The following TENM4 variants were observed in gnomAD, a reference collection of about 807,000 sequenced individuals.
TENM4 encodes teneurin transmembrane protein 4, also known as teneurin-4.
In TENM4, 82 loss-of-function variants were observed where a neutral mutation model predicts 243.3. That is an observed-to-expected ratio of 0.34 (90% CI 0.28 to 0.40). The LOEUF is 0.40. Ranked by LOEUF, TENM4 falls within the 10% of genes least tolerant of loss-of-function variation. The probability of loss-of-function intolerance (pLI) is 1.00; values close to 1 mark genes in which losing one functional copy is unlikely to be tolerated. For synonymous variants in TENM4, 1,412 were observed against 1,456.3 expected (o/e 0.97, Z 0.69); for missense variants, 3,138 against 3,673.3 (o/e 0.85, Z 3.77).
At chr11:78,730,777 A>G (rs1616783) in intron 21 of TENM4, among the ~76,000 whole-genome samples, 86,050 of 152,056 alleles carry the variant, frequency 0.57, 27,771 homozygotes, top group Non-Finnish European at 0.74. Flanking sequence ...CATCCTGTCC[A>G]TTTCATAGAC....
At chr11:78,838,866 C>A (rs926121677) in intron 12 of TENM4, among the ~76,000 whole-genome samples, 1 of 152,208 alleles carries the variant, frequency 6.6e-6, no homozygotes, top group African/African-American at 2.4e-5. Context: ...TGTGTCTTAT[C>A]AACTGCATCC....
rs55667549 is a variant in TENM4 at position 78,965,424 on chromosome 11, A to G, written c.494-61901T>C. Reference sequence around the variant, plus strand: ...TTGATTTCCTCATCTTTTATTAACCAAAGACACAATATAATCTTCAATCGG... The same window carrying G: ...TTGATTTCCTCATCTTTTATTAACCGAAGACACAATATAATCTTCAATCGG... On this transcript the variant is annotated intron_variant, in intron 6 of 33. Coordinates refer to ENST00000278550, the MANE Select transcript of TENM4 (RefSeq NM_001098816.3). Among the ~76,000 whole-genome samples the G allele has an allele frequency of 6.2e-3, 951 of 152,296 alleles. 3 individuals are homozygous for G. The highest frequency in any genetic ancestry group is 9.0e-3 in the Non-Finnish European group (610 of 68,030).
intron 4 of TENM4, among the ~76,000 whole-genome samples, chr11:79,133,642 A>C (rs1862053908): frequency 6.6e-6 from 1 of 152,200 alleles, no homozygotes; most frequent in African/African-American, 2.4e-5. Flanking sequence ...ATATGAAAAA[A>C]AAATAATTCA....
intron 16 of TENM4, among the ~76,000 whole-genome samples, chr11:78,783,737 T>G (rs552309952): frequency 1.9e-4 from 29 of 152,372 alleles, no homozygotes; most frequent in Non-Finnish European, 3.1e-4. Flanking sequence ...GATGCCACTG[T>G]CAAATTCCCT....
intron 18 of TENM4, among the ~76,000 whole-genome samples, chr11:78,766,852 C>G (rs1201371522): frequency 4.0e-5 from 6 of 151,736 alleles, no homozygotes; most frequent in Non-Finnish European, 8.8e-5. Flanking sequence ...ACAGGTGCGC[C>G]CCACCAAGCC....
At chr11:79,425,049 T>C (rs181860197) in intron 1 of TENM4, among the ~76,000 whole-genome samples, 2 of 152,286 alleles carry the variant, frequency 1.3e-5, no homozygotes, top group East Asian at 3.9e-4. Flanking sequence ...GTCTTAATAG[T>C]ACCTTTAACT....
intron 4 of TENM4, among the ~76,000 whole-genome samples, chr11:79,128,929 C>G (rs1298216816): frequency 1.3e-5 from 2 of 152,170 alleles, no homozygotes; most frequent in Non-Finnish European, 2.9e-5. Context: ...GCACTGTGAA[C>G]TTTAGCTCCA....
intron 1 of TENM4, among the ~76,000 whole-genome samples, chr11:79,366,656 T>G (rs1488424174): frequency 6.6e-6 from 1 of 152,214 alleles, no homozygotes; most frequent in African/African-American, 2.4e-5. Flanking sequence ...CTGGTGCTGC[T>G]CCACTGTACA....
At chr11:78,755,397 G>A (rs575809046) in intron 19 of TENM4, among the ~76,000 whole-genome samples, 15 of 152,050 alleles carry the variant, frequency 9.9e-5, no homozygotes, top group Non-Finnish European at 1.8e-4. Flanking sequence ...TCGAACTCCC[G>A]GGCTCAAGTG....
intron 1 of TENM4, among the ~76,000 whole-genome samples, chr11:79,428,448 G>A (rs563967051): frequency 1.6e-4 from 24 of 152,336 alleles, no homozygotes; most frequent in African/African-American, 5.8e-4. Context: ...CATCTGATAA[G>A]CATTTTATAG....
chr11:79,277,659 G>C (rs989983216), intron 2 of TENM4, among the ~76,000 whole-genome samples: 1 of 152,194 alleles, frequency 6.6e-6, no homozygotes, highest in Non-Finnish European at 1.5e-5. Context: ...TTTGGAGTGA[G>C]GGGATGTGAA....
At chr11:78,933,954 G>A (rs778447622) in intron 6 of TENM4, among the ~76,000 whole-genome samples, 1 of 152,166 alleles carries the variant, frequency 6.6e-6, no homozygotes, top group African/African-American at 2.4e-5. Flanking sequence ...TGGGGAAAGG[G>A]GGGGACAAGA....
chr11:79,329,568 A>G (rs552007875), intron 1 of TENM4, among the ~76,000 whole-genome samples: 34 of 152,314 alleles, frequency 2.2e-4, no homozygotes, highest in African/African-American at 7.9e-4. Flanking sequence ...GTAGTCAAGG[A>G]AGACTTCTCT....
chr11:79,080,945 T>G (rs950932000), intron 4 of TENM4, among the ~76,000 whole-genome samples: 10 of 152,196 alleles, frequency 6.6e-5, no homozygotes, highest in Admixed American at 5.2e-4. Flanking sequence ...AGAGGCTGAT[T>G]AATCACACGT....
At chr11:78,743,029 A>G (rs1855967476) in intron 19 of TENM4, among the ~76,000 whole-genome samples, 1 of 152,176 alleles carries the variant, frequency 6.6e-6, no homozygotes, top group Non-Finnish European at 1.5e-5. Context: ...TATAAAATAG[A>G]ATTCAACATA....
At chr11:78,950,242 C>T (rs1018823961) in intron 6 of TENM4, among the ~76,000 whole-genome samples, 2 of 152,160 alleles carry the variant, frequency 1.3e-5, no homozygotes, top group African/African-American at 4.8e-5. Flanking sequence ...ACACAGGGCC[C>T]AATAGAGGCA....
At chr11:78,661,630 G>C (rs1416597238) in intron 32 of TENM4, 39 bp from the exon 33 acceptor site, 1 of 1,604,616 alleles carries the variant, frequency 6.2e-7, no homozygotes, top group Non-Finnish European at 8.5e-7. Flanking sequence ...CATGGAGTGA[G>C]TGGACCTCAT....
rs971602765 is a variant in TENM4, at chr11:79,176,164, T to C, written c.-162-27358A>G. ...TACTCAGATGTTCATAAAATATTTG[T>C]TGGGAATCTCTGATTACAAACTGTT... On this transcript the variant is annotated intron_variant, in intron 3 of 33. Transcript: ENST00000278550. Among the ~76,000 whole-genome samples, 8 of 152,320 alleles carry C rather than the reference T, an allele frequency of 5.3e-5. No individual in the cohort carries two copies. The South Asian group carries it at 1.7e-3, about 32-fold the overall frequency.
chr11:78,952,442 A>G (rs1200175991), intron 6 of TENM4, among the ~76,000 whole-genome samples: 1 of 152,200 alleles, frequency 6.6e-6, no homozygotes, highest in East Asian at 1.9e-4. Flanking sequence ...TTTGAGAGGT[A>G]ACAGCTGGAA....
Sources: allele counts gnomAD v4.1 joint callset (sites outside exome capture counted in the v4.1 genomes callset), GRCh38; gene constraint gnomAD v4.1.1; transcripts MANE v1.5; gene names NCBI Gene and HGNC (gene_info 2026-07-23, HGNC 2026-07-21).